The following CACNB2 variants were observed in gnomAD, a reference collection of about 807,000 sequenced individuals.
CACNB2 encodes the protein voltage-dependent L-type calcium channel subunit beta-2.
A neutral mutation model predicts 73.3 loss-of-function variants in CACNB2; 42 were observed. The observed-to-expected ratio is 0.57, with a 90% CI of 0.45 to 0.74. The LOEUF (loss-of-function observed/expected upper bound fraction) is 0.74. CACNB2 is among the 30% of genes least tolerant of loss of function. The pLI is 0.00. For synonymous variants in CACNB2, 348 were observed against 310.3 expected, an observed-to-expected ratio of 1.12 and a Z score of -1.28; for missense variants, 940 against 853.0, an observed-to-expected ratio of 1.10 and a Z score of -1.27.
chr10:18,311,954 T>G (rs964494365), intron 2 of CACNB2, among the ~76,000 whole-genome samples: 3 of 152,186 alleles, frequency 2.0e-5, no homozygotes, highest in African/African-American at 7.2e-5. Context: ...TGACTTTTCT[T>G]CTCCAATGAT....
intron 3 of CACNB2, among the ~76,000 whole-genome samples, chr10:18,453,219 T>C (rs1247495959): frequency 1.3e-5 from 2 of 152,228 alleles, no homozygotes; most frequent in African/African-American, 4.8e-5. Flanking sequence ...GGAGGGATTT[T>C]CTTAACACTT....
chr10:18,498,005 G>T (rs1213472370), intron 3 of CACNB2, among the ~76,000 whole-genome samples: 1 of 152,164 alleles, frequency 6.6e-6, no homozygotes, highest in African/African-American at 2.4e-5. Context: ...CCACTGAAAC[G>T]GAAGAACTGG....
rs535893941 is a variant in CACNB2 at position 18,448,746 on chromosome 10, G to T, written c.333+46703G>T. On this transcript the variant is annotated intron_variant, in intron 3 of 13. Transcript: ENST00000324631. ...ATGTAGAATCTAGGTTGCAGGTCAA[G>T]GTGTGCCCTGGGAGAGAGAAAAGGC... 2.0e-4 allele frequency among the ~76,000 whole-genome samples: 30 copies of T among 152,274 alleles called. 1 individual carries two copies. In the South Asian group the frequency reaches 3.3e-3, roughly 17 times the overall value.
At chr10:18,362,522 T>C (rs2042183498) in intron 2 of CACNB2, among the ~76,000 whole-genome samples, 1 of 152,224 alleles carries the variant, frequency 6.6e-6, no homozygotes, top group Non-Finnish European at 1.5e-5. Flanking sequence ...GAAGTCACCA[T>C]AGGTGAATTG....
At chr10:18,534,436 T>A (rs1183415467) in intron 11 of CACNB2, among the ~76,000 whole-genome samples, 1 of 152,184 alleles carries the variant, frequency 6.6e-6, no homozygotes, top group Non-Finnish European at 1.5e-5. Flanking sequence ...CTGGAGAGTG[T>A]TGAGACACTT....
intron 3 of CACNB2, among the ~76,000 whole-genome samples, chr10:18,432,705 G>A (rs1260099225): frequency 6.6e-6 from 1 of 151,990 alleles, no homozygotes; most frequent in African/African-American, 2.4e-5. Context: ...GCATGGTGGA[G>A]TGTACCTGTA....
At chr10:18,348,720 C>T (rs561382658) in intron 2 of CACNB2, among the ~76,000 whole-genome samples, 29 of 152,262 alleles carry the variant, frequency 1.9e-4, no homozygotes, top group Non-Finnish European at 3.8e-4. Context: ...CCAGGCTGGT[C>T]TGGAACTCCT....
intron 2 of CACNB2, among the ~76,000 whole-genome samples, chr10:18,205,792 T>TA (rs765999016): frequency 9.2e-5 from 14 of 152,236 alleles, no homozygotes; most frequent in Non-Finnish European, 2.1e-4. Context: ...CATCAAAACC[T>TA]AACTCCTCCA....
At chr10:18,512,389 T>A (rs903093138) in intron 6 of CACNB2, among the ~76,000 whole-genome samples, 4 of 152,210 alleles carry the variant, frequency 2.6e-5, no homozygotes, top group African/African-American at 9.6e-5. Flanking sequence ...CTGTCCTTCC[T>A]GGAGCCCTCC....
At chr10:18,376,409 ATAGT>A (rs1441506991) in intron 2 of CACNB2, among the ~76,000 whole-genome samples, 3 of 152,210 alleles carry the variant, frequency 2.0e-5, no homozygotes, top group African/African-American at 7.2e-5. Context: ...GTACCAAAAA[ATAGT>A]TAGAATGAAT....
At chr10:18,155,556 A>AT (rs2031976353) in intron 2 of CACNB2, among the ~76,000 whole-genome samples, 1 of 152,124 alleles carries the variant, frequency 6.6e-6, no homozygotes, top group African/African-American at 2.4e-5. Context: ...ATATGTATGC[A>AT]TTTTTGTTCA....
chr10:18,468,545 T>G (rs2048020341), intron 3 of CACNB2, among the ~76,000 whole-genome samples: 1 of 152,178 alleles, frequency 6.6e-6, no homozygotes, highest in Non-Finnish European at 1.5e-5. Flanking sequence ...TTAGTAAATC[T>G]GAATCTGCAG....
At chr10:18,401,140 T>C in intron 2 of CACNB2, 1 of 1,613,044 alleles carries the variant, frequency 6.2e-7, no homozygotes. Flanking sequence ...GAGGTTATTT[T>C]GTCTCTGCTT....
chr10:18,192,021 T>C lies in CACNB2; in HGVS notation c.213+41046T>C, dbSNP rs564842449. ...TAAAAAGGACTAAAGTGTGCCCTCA[T>C]ATCAATATAAGGTACAAGTGAAATG... is the stretch of plus-strand genomic sequence containing the variant. On this transcript the variant is annotated intron_variant, in intron 2 of 13. Transcript: ENST00000324631. Among the ~76,000 whole-genome samples the C allele has an allele frequency of 2.0e-5, 3 of 151,580 alleles. No homozygotes were observed. The South Asian group carries it at 6.3e-4, about 32-fold the overall frequency.
chr10:18,492,666 A>C (rs1013578332), intron 3 of CACNB2, among the ~76,000 whole-genome samples: 11 of 152,114 alleles, frequency 7.2e-5, no homozygotes, highest in African/African-American at 2.4e-4. Context: ...AGAAAAAAGA[A>C]AATGAGTATG....
chr10:18,504,375 G>T (rs1338859266), intron 5 of CACNB2, among the ~76,000 whole-genome samples: 1 of 152,172 alleles, frequency 6.6e-6, no homozygotes, highest in Non-Finnish European at 1.5e-5. Context: ...AGCAAGCCCA[G>T]GACAGATGGT....
intron 3 of CACNB2, among the ~76,000 whole-genome samples, chr10:18,495,158 T>C (rs991890467): frequency 1.3e-5 from 2 of 152,068 alleles, no homozygotes; most frequent in Non-Finnish European, 2.9e-5. Context: ...ATATTTTTCA[T>C]ACTGAATAAT....
In CACNB2 at chr10:18,514,327, G is replaced by A. The variant is rs1212860668; in HGVS notation, c.762G>A (p.Thr254=). The A allele has an allele frequency of 1.1e-5, 17 of 1,613,960 alleles. No homozygotes were observed. Among genetic ancestry groups the A allele is most frequent in the Middle Eastern group, 1.6e-4 (1 of 6,084 alleles). The part of the protein sequence containing the change: ...RSPKPSANSV[T]SPHSKEKRMP... ...CTAAACCCAGTGCAAACAGTGTAAC[G>A]TCACCCCACTCCAAAGAGAAAAGAA... is the stretch of plus-strand genomic sequence containing the variant. Residue 254 remains threonine, a synonymous_variant, in exon 7 of 14, where the codon ACG becomes ACA. Coordinates refer to ENST00000324631, the MANE Select transcript of CACNB2 (RefSeq NM_201596.3).
intron 1 of CACNB2, among the ~76,000 whole-genome samples, chr10:18,144,688 A>C (rs532471422): frequency 1.3e-5 from 2 of 152,226 alleles, no homozygotes; most frequent in Non-Finnish European, 2.9e-5. Context: ...CTTAAGATGA[A>C]ATAAAGAATA....
Sources: gnomAD v4.1 joint callset for allele counts (sites outside exome capture counted in the v4.1 genomes callset) on GRCh38, gnomAD v4.1.1 for gene constraint, MANE v1.5 for transcripts, NCBI Gene and HGNC (gene_info 2026-07-23, HGNC 2026-07-21) for gene names.